Variants in GRIP1 observed in about 807,000 individuals in gnomAD.
GRIP1 encodes glutamate receptor interacting protein 1.
GRIP1 carries 45 observed loss-of-function variants against 129.9 expected under a neutral mutation model. The ratio of observed to expected loss-of-function variants is 0.35; its 90% CI spans 0.27 to 0.44. The LOEUF is 0.44. Ranked by LOEUF, GRIP1 falls within the 20% of genes least tolerant of loss-of-function variation. The probability of loss-of-function intolerance (pLI) is 1.00; values close to 1 mark genes in which losing one functional copy is unlikely to be tolerated. For synonymous variants in GRIP1, 530 were observed against 520.8 expected (o/e 1.02, Z -0.24); for missense variants, 1,196 against 1,396.8 (o/e 0.86, Z 2.29).
chr12:66,417,728 A>G (rs1454735701), intron 15 of GRIP1, among the ~76,000 whole-genome samples: 3 of 152,142 alleles, frequency 2.0e-5, no homozygotes, highest in African/African-American at 7.2e-5. Flanking sequence ...GAAATTAATG[A>G]AAGAAGTAAA....
intron 1 of GRIP1, among the ~76,000 whole-genome samples, chr12:66,785,327 C>T (rs112859663): frequency 4.8e-3 from 184 of 38,414 alleles, no homozygotes; most frequent in African/African-American, 0.013. Context: ...TACATACATA[C>T]ATACATACAT....
intron 16 of GRIP1, among the ~76,000 whole-genome samples, chr12:66,404,091 A>G (rs532573611): frequency 6.6e-6 from 1 of 152,354 alleles, no homozygotes; most frequent in Admixed American, 6.5e-5. Flanking sequence ...AATCCCCAAA[A>G]GAAAGTGCAA....
chr12:66,842,307 T>C (rs11176446), intron 1 of GRIP1, among the ~76,000 whole-genome samples: 24,565 of 151,980 alleles, frequency 0.16, 2,137 homozygotes, highest in East Asian at 0.37. Flanking sequence ...ATATACAATA[T>C]AGAATAAATG....
At chr12:66,578,070 C>G (rs996177368) in intron 2 of GRIP1, among the ~76,000 whole-genome samples, 16 of 152,054 alleles carry the variant, frequency 1.1e-4, no homozygotes, top group African/African-American at 3.6e-4. Flanking sequence ...CAACTTGAAA[C>G]AGGATGAGTG....
chr12:66,666,456 A>G (rs1186791587), intron 1 of GRIP1, among the ~76,000 whole-genome samples: 1 of 152,126 alleles, frequency 6.6e-6, no homozygotes, highest in African/African-American at 2.4e-5. Flanking sequence ...GTTCTTGTTG[A>G]CAAAAGAAAA....
At chr12:66,549,282 G>A (rs976469574) in intron 2 of GRIP1, among the ~76,000 whole-genome samples, 1 of 152,112 alleles carries the variant, frequency 6.6e-6, no homozygotes, top group Non-Finnish European at 1.5e-5. Context: ...ATTATTGCTG[G>A]ACGGTGCAGA....
At chr12:66,758,068 T>C (rs2037353584) in intron 1 of GRIP1, among the ~76,000 whole-genome samples, 1 of 152,156 alleles carries the variant, frequency 6.6e-6, no homozygotes, top group African/African-American at 2.4e-5. Context: ...AAAAACAACA[T>C]ATATTTACAC....
intron 1 of GRIP1, among the ~76,000 whole-genome samples, chr12:66,761,456 C>T (rs976654141): frequency 1.5e-4 from 23 of 152,284 alleles, no homozygotes; most frequent in African/African-American, 5.5e-4. Flanking sequence ...CCCAGACTTA[C>T]CAATCCTTCG....
chr12:66,411,297 G>T (rs1026884353), intron 15 of GRIP1, among the ~76,000 whole-genome samples: 9 of 152,142 alleles, frequency 5.9e-5, no homozygotes, highest in Non-Finnish European at 1.2e-4. Flanking sequence ...TCCCATCTTT[G>T]CTGTTTTGTA....
intron 6 of GRIP1, among the ~76,000 whole-genome samples, chr12:66,517,517 C>T (rs1170613076): frequency 2.0e-5 from 3 of 152,092 alleles, no homozygotes; most frequent in Non-Finnish European, 4.4e-5. Context: ...TAGCAACAGG[C>T]GAAGATGCAT....
At chr12:66,915,955 A>G (rs908752335) in intron 1 of GRIP1, among the ~76,000 whole-genome samples, 1 of 152,208 alleles carries the variant, frequency 6.6e-6, no homozygotes, top group Non-Finnish European at 1.5e-5. Flanking sequence ...TGAGAAACTC[A>G]TCATGCCAGA....
At chr12:66,675,552 T>C (rs954570611) in intron 1 of GRIP1, among the ~76,000 whole-genome samples, 5 of 152,174 alleles carry the variant, frequency 3.3e-5, no homozygotes, top group East Asian at 1.9e-4. Flanking sequence ...CCCTGAGGTA[T>C]GGTAGCCCCT....
chr12:66,956,807 C>T (rs957241778), intron 1 of GRIP1, among the ~76,000 whole-genome samples: 6 of 152,088 alleles, frequency 3.9e-5, no homozygotes, highest in African/African-American at 1.4e-4. Context: ...CATCAAGGCC[C>T]CCTCGGCATA....
chr12:66,807,818 C>A (rs747613930), upstream of GRIP1, among the ~76,000 whole-genome samples: 1 of 151,838 alleles, frequency 6.6e-6, no homozygotes, highest in Non-Finnish European at 1.5e-5. Flanking sequence ...GAACTATGAG[C>A]CAATTAAACC....
In GRIP1 at chr12:67,013,230, C is replaced by T. The variant is rs1375622903; in HGVS notation, c.58+55820G>A. Among the ~76,000 whole-genome samples the T allele has an allele frequency of 2.0e-5, 3 of 152,096 alleles. No homozygotes were observed. The East Asian group carries it at 5.8e-4, about 29-fold the overall frequency. ...ACAGAAATACTTACATAAAAATAGG[C>T]AATTTTTATTTCAGAAGGGGGTTAA... is the stretch of plus-strand genomic sequence containing the variant. On this transcript the variant is annotated intron_variant, in intron 1 of 1. Coordinates refer to the GRIP1 transcript ENST00000643019.
chr12:66,931,509 C>A lies in GRIP1; in HGVS notation c.58+137541G>T, dbSNP rs144947272. Among the ~76,000 whole-genome samples, 686 of 152,240 alleles carry A rather than the reference C, an allele frequency of 4.5e-3. 4 individuals are homozygous for A. The highest frequency in any genetic ancestry group is 0.014 in the African/African-American group (595 of 41,528). ...AGAGAAAAACAAGGGAGAAATAGAT[C>A]GTAGTCATCTAATAAATATGAGAGA... is the stretch of plus-strand genomic sequence containing the variant. On this transcript the variant is annotated intron_variant, in intron 1 of 1. Transcript: ENST00000643019.
At chr12:66,620,704 GCCTT>G (rs1330652648) in intron 1 of GRIP1, among the ~76,000 whole-genome samples, 4 of 149,582 alleles carry the variant, frequency 2.7e-5, no homozygotes, top group Admixed American at 6.7e-5. Flanking sequence ...TCTCCTTCCT[GCCTT>G]CCTTCCTTCC....
chr12:66,505,635 T>C (rs2060506460), intron 7 of GRIP1, among the ~76,000 whole-genome samples: 1 of 152,216 alleles, frequency 6.6e-6, no homozygotes, highest in East Asian at 1.9e-4. Context: ...GCAACATCTA[T>C]CTAAATATTA....
chr12:66,578,230 C>CAGTTTTT (rs1565879292), intron 2 of GRIP1, among the ~76,000 whole-genome samples: 1 of 24,378 alleles, frequency 4.1e-5, no homozygotes, highest in South Asian at 1.7e-3. Flanking sequence ...GGCAAAACCG[C>CAGTTTTT]GGTTTTTTTT....
Sources: allele counts gnomAD v4.1 joint callset (sites outside exome capture counted in the v4.1 genomes callset), GRCh38; gene constraint gnomAD v4.1.1; transcripts MANE v1.5; gene names NCBI Gene and HGNC (gene_info 2026-07-23, HGNC 2026-07-21).